The following EHBP1 variants were observed in gnomAD, a reference collection of about 807,000 sequenced individuals.
EHBP1 encodes EH domain binding protein 1.
EHBP1 carries 55 observed loss-of-function variants against 144.0 expected under a neutral mutation model. The ratio of observed to expected loss-of-function variants is 0.38; its 90% CI spans 0.31 to 0.48. The LOEUF (loss-of-function observed/expected upper bound fraction) is 0.48. Ranked by LOEUF, EHBP1 falls within the 20% of genes least tolerant of loss-of-function variation. EHBP1 has a pLI of 0.98. For synonymous variants in EHBP1, 469 were observed against 472.7 expected (o/e 0.99, Z 0.10); for missense variants, 1,200 against 1,364.2 (o/e 0.88, Z 1.90).
rs754744269 is a variant in EHBP1, at chr2:62,864,700, GT to G, written c.758-30del. ...TTAGAAAATATCATATGGTATTCATGTGATTTAATTCATCTGCTATTATTTT... is the reference window on the plus strand; with the variant it reads ...TTAGAAAATATCATATGGTATTCATGGATTTAATTCATCTGCTATTATTTT... On this transcript the variant is annotated intron_variant, in intron 8 of 22. Coordinates refer to ENST00000431489, the MANE Select transcript of EHBP1 (RefSeq NM_001142616.3). 7.4e-5 allele frequency: 117 copies of G among 1,574,212 alleles called. No individual in the cohort carries two copies. The East Asian group carries it at 2.6e-3, about 35-fold the overall frequency.
intron 5 of EHBP1, among the ~76,000 whole-genome samples, chr2:62,807,711 A>C (rs1409901202): frequency 6.6e-6 from 1 of 152,274 alleles, no homozygotes. Flanking sequence ...CTGGCAACAA[A>C]ATATCTCAAT....
chr2:62,687,303 A>T (rs907201407), intron 1 of EHBP1, among the ~76,000 whole-genome samples: 1 of 152,220 alleles, frequency 6.6e-6, no homozygotes, highest in African/African-American at 2.4e-5. Flanking sequence ...TTTCCTATTG[A>T]TGGAAGGAGG....
chr2:62,711,411 T>C (rs1400211022), intron 2 of EHBP1, among the ~76,000 whole-genome samples: 8 of 152,128 alleles, frequency 5.3e-5, no homozygotes, highest in African/African-American at 1.7e-4. Flanking sequence ...GTAATATTAA[T>C]TGAAGGGATA....
At chr2:63,042,620 T>C (rs1177053273) in intron 21 of EHBP1, among the ~76,000 whole-genome samples, 1 of 152,054 alleles carries the variant, frequency 6.6e-6, no homozygotes, top group East Asian at 1.9e-4. Context: ...ATTACAGTTA[T>C]AGAAAATGTC....
chr2:62,837,588 G>A (rs1341044292), intron 7 of EHBP1, among the ~76,000 whole-genome samples: 1 of 150,874 alleles, frequency 6.6e-6, no homozygotes, highest in East Asian at 2.0e-4. Flanking sequence ...CTGTATTCAG[G>A]AAACCCATCT....
chr2:63,023,003 A>C (rs773158291), intron 19 of EHBP1, among the ~76,000 whole-genome samples: 4 of 152,016 alleles, frequency 2.6e-5, no homozygotes, highest in South Asian at 2.1e-4. Flanking sequence ...TCAGAACCCT[A>C]TCTCTACTAA....
At chr2:62,942,299 TTG>T (rs1293754102) in intron 10 of EHBP1, among the ~76,000 whole-genome samples, 2 of 152,198 alleles carry the variant, frequency 1.3e-5, no homozygotes, top group African/African-American at 2.4e-5. Context: ...TGTTAAAAAT[TTG>T]TGTTACATTT....
intron 10 of EHBP1, among the ~76,000 whole-genome samples, chr2:62,885,325 T>C (rs1310544727): frequency 1.3e-5 from 2 of 152,152 alleles, no homozygotes; most frequent in Non-Finnish European, 2.9e-5. Context: ...CTCAGTATCA[T>C]AAATCCACAT....
At chr2:63,011,548 A>G (rs746763595) in intron 19 of EHBP1, among the ~76,000 whole-genome samples, 1 of 151,966 alleles carries the variant, frequency 6.6e-6, no homozygotes, top group Non-Finnish European at 1.5e-5. Flanking sequence ...GCCTTTTTAC[A>G]TCTTTTTGTG....
chr2:62,900,445 G>C (rs1159400539), intron 10 of EHBP1, among the ~76,000 whole-genome samples: 2 of 151,894 alleles, frequency 1.3e-5, no homozygotes, highest in Non-Finnish European at 2.9e-5. Context: ...AACATGGTGA[G>C]ACCCCATCTT....
chr2:63,041,898 A>G (rs1387244899), intron 21 of EHBP1, among the ~76,000 whole-genome samples: 1 of 152,194 alleles, frequency 6.6e-6, no homozygotes, highest in Non-Finnish European at 1.5e-5. Flanking sequence ...TAAAGTGTTT[A>G]TAGGTATTTC....
chr2:62,781,199 T>G (rs2042401066), intron 5 of EHBP1, among the ~76,000 whole-genome samples: 1 of 152,150 alleles, frequency 6.6e-6, no homozygotes, highest in Non-Finnish European at 1.5e-5. Flanking sequence ...TAATGCAGTC[T>G]TGGTGGGTTA....
At chr2:62,987,124 G>T (rs946259005) in intron 15 of EHBP1, among the ~76,000 whole-genome samples, 1 of 152,142 alleles carries the variant, frequency 6.6e-6, no homozygotes, top group Non-Finnish European at 1.5e-5. Context: ...AATTGCTGCT[G>T]TGCCTTTTCA....
chr2:62,743,080 T>C (rs1558589188), intron 2 of EHBP1, among the ~76,000 whole-genome samples: 1 of 152,106 alleles, frequency 6.6e-6, no homozygotes, highest in South Asian at 2.1e-4. Context: ...CTCTTGGTTC[T>C]TCTCTTATTA....
intron 2 of EHBP1, among the ~76,000 whole-genome samples, chr2:62,716,297 T>TC (rs71410959): frequency 6.6e-6 from 1 of 152,030 alleles, no homozygotes; most frequent in African/African-American, 2.4e-5. Flanking sequence ...CCTATGCAAC[T>TC]CCCCCACCCA....
rs760164114 is a variant in EHBP1, at chr2:62,942,706, AT to A, written c.1186-5del. On this transcript the variant is annotated splice_polypyrimidine_tract_variant and intron_variant, in intron 10 of 22. Coordinates refer to ENST00000431489, the MANE Select transcript of EHBP1 (RefSeq NM_001142616.3). Reference sequence around the variant, plus strand: ...ATTCTTTTAATGTTTTCCCCTTTTCATTTTTTTCTAGCCAAGCCCTATACCA... The same window carrying A: ...ATTCTTTTAATGTTTTCCCCTTTTCATTTTTTCTAGCCAAGCCCTATACCA... 6 of 1,553,610 alleles carry A rather than the reference AT, an allele frequency of 3.9e-6. No individual in the cohort carries two copies. The highest frequency in any genetic ancestry group is 4.0e-5 in the Admixed American group (2 of 50,288).
At chr2:63,020,678 C>CT (rs577103278) in intron 19 of EHBP1, among the ~76,000 whole-genome samples, 2,876 of 144,986 alleles carry the variant, frequency 0.02, 62 homozygotes, top group African/African-American at 0.062. Context: ...TTTTTTCTTT[C>CT]TTTTTTTTTT....
At chr2:62,922,015 A>T (rs2055130955) in intron 10 of EHBP1, among the ~76,000 whole-genome samples, 3 of 152,020 alleles carry the variant, frequency 2.0e-5, no homozygotes, top group Non-Finnish European at 4.4e-5. Flanking sequence ...TGTTTACTAA[A>T]ACTGCAAAAA....
At chr2:62,917,546 A>G (rs190665052) in intron 10 of EHBP1, among the ~76,000 whole-genome samples, 5 of 152,318 alleles carry the variant, frequency 3.3e-5, no homozygotes, top group African/African-American at 4.8e-5. Context: ...AATTGACTCT[A>G]TAGTTCAGGT....
Sources: allele counts gnomAD v4.1 joint callset (sites outside exome capture counted in the v4.1 genomes callset), GRCh38; gene constraint gnomAD v4.1.1; transcripts MANE v1.5; gene names NCBI Gene and HGNC (gene_info 2026-07-23, HGNC 2026-07-21).